The following DLGAP2 variants were observed in gnomAD, a reference collection of about 807,000 sequenced individuals.
DLGAP2 encodes the protein DLG associated protein 2.
DLGAP2 carries 26 observed loss-of-function variants against 100.3 expected under a neutral mutation model. The ratio of observed to expected loss-of-function variants is 0.26; its 90% CI spans 0.19 to 0.36. The LOEUF is 0.36. DLGAP2 is among the 10% of genes least tolerant of loss of function. The pLI is 1.00. For missense variants in DLGAP2, 1,858 were observed against 1,453.2 expected (o/e 1.28, Z -4.53); for synonymous variants, 886 against 630.1 (o/e 1.41, Z -6.08).
At chr8:1,220,784 T>C (rs1798300468) in intron 2 of DLGAP2, among the ~76,000 whole-genome samples, 1 of 152,214 alleles carries the variant, frequency 6.6e-6, no homozygotes, top group African/African-American at 2.4e-5. Context: ...CTGGGTACTC[T>C]AGCATTGGGT....
chr8:972,463 A>G (rs554266995), intron 2 of DLGAP2, among the ~76,000 whole-genome samples: 1 of 152,372 alleles, frequency 6.6e-6, no homozygotes, highest in South Asian at 2.1e-4. Context: ...GATAAAAAAC[A>G]TAGCTGGGCA....
chr8:1,307,979 C>G (rs759953868), intron 3 of DLGAP2, among the ~76,000 whole-genome samples: 3 of 152,152 alleles, frequency 2.0e-5, no homozygotes, highest in Non-Finnish European at 4.4e-5. Context: ...CACCACAGAA[C>G]TACACACACG....
intron 2 of DLGAP2, among the ~76,000 whole-genome samples, chr8:1,047,239 A>G (rs993292376): frequency 6.6e-6 from 1 of 152,200 alleles, no homozygotes; most frequent in African/African-American, 2.4e-5. Flanking sequence ...AACATACAAT[A>G]TGCAACCTTT....
chr8:1,568,112 C>T (rs1802480063), intron 6 of DLGAP2, among the ~76,000 whole-genome samples: 1 of 150,844 alleles, frequency 6.6e-6, no homozygotes, highest in African/African-American at 2.4e-5. Flanking sequence ...GGCCCCCATG[C>T]CACTGTCCAT....
chr8:928,834 G>A (rs557923941), intron 2 of DLGAP2, among the ~76,000 whole-genome samples: 18 of 152,138 alleles, frequency 1.2e-4, no homozygotes, highest in East Asian at 9.7e-4. Context: ...TCACAGAGGA[G>A]GAAACAGGAG....
At chr8:1,262,628 A>T (rs1019559973) in intron 3 of DLGAP2, 1 of 152,186 alleles carries the variant, frequency 6.6e-6, no homozygotes, top group Admixed American at 6.5e-5. Context: ...GACGGTCTCA[A>T]TTTATATCAT....
At chr8:1,658,478 C>CT (rs1798335781) in intron 8 of DLGAP2, among the ~76,000 whole-genome samples, 1 of 151,990 alleles carries the variant, frequency 6.6e-6, no homozygotes, top group Non-Finnish European at 1.5e-5. Flanking sequence ...TGGTCCTGGG[C>CT]TTTTTTTGGT....
intron 3 of DLGAP2, among the ~76,000 whole-genome samples, chr8:1,290,967 G>C (rs1274902327): frequency 2.0e-5 from 3 of 152,230 alleles, no homozygotes; most frequent in East Asian, 1.9e-4. Context: ...CCCCCATCCA[G>C]CCACAGAACT....
chr8:1,082,367 T>A (rs540202138), intron 2 of DLGAP2, among the ~76,000 whole-genome samples: 5 of 152,328 alleles, frequency 3.3e-5, no homozygotes, highest in East Asian at 1.9e-4. Flanking sequence ...TCTTTATTTT[T>A]AAAAAAATCA....
At chr8:1,561,442 G>T (rs568297925) in intron 5 of DLGAP2, among the ~76,000 whole-genome samples, 2 of 152,158 alleles carry the variant, frequency 1.3e-5, no homozygotes, top group Non-Finnish European at 2.9e-5. Context: ...TCCAGCTCAC[G>T]GTCACAGTTC....
chr8:831,014 G>A (rs539074504), intron 1 of DLGAP2, among the ~76,000 whole-genome samples: 1 of 150,942 alleles, frequency 6.6e-6, no homozygotes, highest in East Asian at 2.0e-4. Flanking sequence ...TCCTGCCTCA[G>A]CCTCCCAAGT....
At chr8:1,459,943 C>T (rs976663548) in intron 3 of DLGAP2, among the ~76,000 whole-genome samples, 1 of 152,112 alleles carries the variant, frequency 6.6e-6, no homozygotes, top group African/African-American at 2.4e-5. Context: ...ACCTCAGCCT[C>T]CCACAGGGCA....
intron 2 of DLGAP2, among the ~76,000 whole-genome samples, chr8:1,089,545 C>T (rs1804102308): frequency 1.3e-5 from 2 of 152,198 alleles, no homozygotes; most frequent in Admixed American, 6.5e-5. Context: ...AGACTGGCAC[C>T]CTCCCTCCTT....
At position 1,275,398 on chromosome 8, in the gene DLGAP2, G is replaced by C. The variant is rs945934380; in HGVS notation, c.106+16515G>C. ...AACACAATAGATTTGCACCCCAGAT[G>C]CTGAAGGAGTGCTCACATACATCAC... On this transcript the variant is annotated intron_variant, in intron 3 of 14. Coordinates refer to ENST00000637795, the MANE Select transcript of DLGAP2 (RefSeq NM_001346810.2). Among the ~76,000 whole-genome samples, 8 of 150,800 alleles carry C rather than the reference G, an allele frequency of 5.3e-5. 1 individual carries two copies. The highest frequency in any genetic ancestry group is 7.0e-3 in the Middle Eastern group (2 of 286).
intron 2 of DLGAP2, among the ~76,000 whole-genome samples, chr8:1,030,544 T>A (rs1332955649): frequency 6.6e-6 from 1 of 152,202 alleles, no homozygotes; most frequent in Non-Finnish European, 1.5e-5. Context: ...AGGTGTTAGT[T>A]TAAAAACATT....
chr8:1,576,433 ATAG>A (rs1489531107), intron 6 of DLGAP2, among the ~76,000 whole-genome samples: 16 of 152,086 alleles, frequency 1.1e-4, no homozygotes, highest in African/African-American at 3.9e-4. Context: ...GTTCGCTCTG[ATAG>A]TAGTTTCTTT....
chr8:1,165,327 A>C (rs1796994708), intron 2 of DLGAP2, among the ~76,000 whole-genome samples: 1 of 152,116 alleles, frequency 6.6e-6, no homozygotes, highest in Non-Finnish European at 1.5e-5. Context: ...ACGCGCATAC[A>C]GCATCAGCCC....
At chr8:1,563,006 G>A (rs13278264) in intron 5 of DLGAP2, among the ~76,000 whole-genome samples, 14 of 55,754 alleles carry the variant, frequency 2.5e-4, no homozygotes, top group African/African-American at 5.5e-4. Flanking sequence ...TCCGCGCCTC[G>A]TTGCTGGGGG....
intron 1 of DLGAP2, among the ~76,000 whole-genome samples, chr8:844,790 A>T (rs1013048955): frequency 6.6e-6 from 1 of 152,180 alleles, no homozygotes; most frequent in South Asian, 2.1e-4. Context: ...TGGCTTTAGC[A>T]TCTCCCAAAG....
Sources: gnomAD v4.1 joint callset for allele counts (sites outside exome capture counted in the v4.1 genomes callset) on GRCh38, gnomAD v4.1.1 for gene constraint, MANE v1.5 for transcripts, NCBI Gene and HGNC (gene_info 2026-07-23, HGNC 2026-07-21) for gene names.